TMEM230: variants seen among roughly 807,000 people sequenced by gnomAD.
TMEM230 encodes transmembrane protein 230.
In TMEM230, 10 loss-of-function variants were observed where a neutral mutation model predicts 15.8. That is an observed-to-expected ratio of 0.63 (90% CI 0.39 to 1.07). TMEM230 has a LOEUF of 1.07. Among genes scored for constraint, TMEM230 ranks in the 50% least tolerant of loss-of-function variants. The pLI is 0.01. For synonymous variants in TMEM230, 67 were observed against 76.9 expected, an observed-to-expected ratio of 0.87 and a Z score of 0.68; for missense variants, 165 against 193.3, an observed-to-expected ratio of 0.85 and a Z score of 0.87.
intron 3 of TMEM230, among the ~76,000 whole-genome samples, chr20:5,090,571 C>T (rs1230913226): frequency 6.6e-6 from 1 of 152,074 alleles, no homozygotes; most frequent in Non-Finnish European, 1.5e-5. Flanking sequence ...TTGGGCTTAA[C>T]TAGAGACAGA....
At chr20:5,105,812 G>C (rs2090053230) in intron 4 of TMEM230, among the ~76,000 whole-genome samples, 1 of 151,736 alleles carries the variant, frequency 6.6e-6, no homozygotes, top group South Asian at 2.1e-4. Flanking sequence ...GCTGAGGCAG[G>C]CAGACTGCTT....
chr20:5,078,225 TCTG>T (rs1327817662), intron 3 of TMEM230, among the ~76,000 whole-genome samples: 1 of 152,188 alleles, frequency 6.6e-6, no homozygotes, highest in Non-Finnish European at 1.5e-5. Context: ...GATTTAATGC[TCTG>T]CTGTCACCCT....
chr20:5,062,222 CA>C, the TMEM230 span, among the ~76,000 whole-genome samples: 1 of 140,298 alleles, frequency 7.1e-6, no homozygotes. Context: ...AACTCCGTCT[CA>C]AAAAAAAGAA....
At chr20:5,111,179 G>C (rs1326699509) in intron 2 of TMEM230, 6 of 135,136 alleles carry the variant, frequency 4.4e-5, no homozygotes, top group African/African-American at 1.8e-4. Flanking sequence ...GAGACCCTGA[G>C]TCAAAAAAAA....
At chr20:5,066,261 G>C (rs2088651389), downstream of TMEM230, 1 of 152,222 alleles carries the variant, frequency 6.6e-6, no homozygotes, top group South Asian at 2.1e-4. Context: ...CTTCTTTGGA[G>C]GATGCTGCCT....
rs1163984303 is a variant in TMEM230, at chr20:5,112,955, C to T, written c.68+6G>A. 3.9e-6 allele frequency: 6 copies of T among 1,550,208 alleles called. No homozygotes were observed. Among genetic ancestry groups the T allele is most frequent in the Non-Finnish European group, 5.2e-6 (6 of 1,146,872 alleles). On this transcript the variant is annotated splice_donor_region_variant and intron_variant, in intron 1 of 4. Transcript: ENST00000342308. ...CTGTCCCCGCCCTGCCGCACACACG[C>T]CTTACCGGAGCGCCGCGCCAGGCCG... is the stretch of plus-strand genomic sequence containing the variant.
At chr20:5,105,354 C>G (rs1342178578) in intron 4 of TMEM230, among the ~76,000 whole-genome samples, 1 of 151,880 alleles carries the variant, frequency 6.6e-6, no homozygotes, top group African/African-American at 2.4e-5. Flanking sequence ...ATAGGCCAGG[C>G]ACAGTGGTTC....
At chr20:5,080,495 G>A (rs1444381995) in intron 3 of TMEM230, among the ~76,000 whole-genome samples, 1 of 152,120 alleles carries the variant, frequency 6.6e-6, no homozygotes, top group Non-Finnish European at 1.5e-5. Context: ...TACTGGCTTA[G>A]GGAAGGAATG....
At chr20:5,103,762 A>T in intron 4 of TMEM230, among the ~76,000 whole-genome samples, 1 of 152,166 alleles carries the variant, frequency 6.6e-6, no homozygotes. Context: ...GACCCCTCAA[A>T]TCTCTTGACA....
At chr20:5,099,702 G>T (rs746872644), downstream of TMEM230, 14 of 279,336 alleles carry the variant, frequency 5.0e-5, no homozygotes, top group Non-Finnish European at 6.4e-5. Context: ...TCAGCTGATG[G>T]CATGTCCAGG....
chr20:5,068,863 C>T, exon 4 of TMEM230: 1 of 234,870 alleles, frequency 4.3e-6, no homozygotes, highest in South Asian at 6.8e-5. Flanking sequence ...ATCCCAGTCT[C>T]TTCAGCATCG....
Position 5,094,698 on chromosome 20 carries a change from C to T in TMEM230, c.222+11490G>A, listed in dbSNP as rs536872565. 1.1e-4 allele frequency among the ~76,000 whole-genome samples: 13 copies of T among 113,328 alleles called. No homozygotes were observed. The South Asian group carries it at 4.1e-3, about 36-fold the overall frequency. 74.3% of individuals were successfully genotyped at this position (113,328 alleles called of 152,430 possible). ...CTCCAGCCTGGGACAGAGCTAGACT[C>T]CATCTCAAAAAAAAAAAAAAAAAAA... On this transcript the variant is annotated intron_variant, in intron 3 of 3. Coordinates refer to the TMEM230 transcript ENST00000612323.
intron 3 of TMEM230, among the ~76,000 whole-genome samples, chr20:5,108,109 T>A (rs2090165461): frequency 6.7e-6 from 1 of 148,744 alleles, no homozygotes; most frequent in Admixed American, 6.7e-5. Flanking sequence ...CAAGACTACA[T>A]CTTAAAAACA....
chr20:5,076,009 TG>T (rs2088982025), intron 3 of TMEM230, among the ~76,000 whole-genome samples: 1 of 151,694 alleles, frequency 6.6e-6, no homozygotes, highest in African/African-American at 2.4e-5. Flanking sequence ...CTTGTGGGGC[TG>T]AGGTGGGAGG....
chr20:5,097,306 A>C (rs1431881586), downstream of TMEM230, among the ~76,000 whole-genome samples: 1 of 152,212 alleles, frequency 6.6e-6, no homozygotes. Context: ...GACCCACCAG[A>C]GTGGCAACGG....
chr20:5,079,772 T>G (rs979768033), intron 3 of TMEM230, among the ~76,000 whole-genome samples: 3 of 152,050 alleles, frequency 2.0e-5, no homozygotes, highest in Non-Finnish European at 1.5e-5. Flanking sequence ...CTTTCTTTTT[T>G]GAGACAGGGT....
chr20:5,113,005 G>A lies in TMEM230; in HGVS notation c.24C>T (p.Thr8=). 6.5e-7 allele frequency: 1 copy of A among 1,550,094 alleles called. No homozygotes were observed. The highest frequency in any genetic ancestry group is 8.7e-7 in the Non-Finnish European group (1 of 1,147,418). The change falls in exon 1 of 5, where the codon ACC becomes ACT. Residue 8 remains threonine, a synonymous_variant. Transcript: ENST00000342308. ...GCCCGCACACCCAGAGCTCGCCCAC[G>A]GTTGGCAGCGCCCAAGGTTGCATGG...
At chr20:5,071,989 G>A (rs2088843463) in intron 3 of TMEM230, among the ~76,000 whole-genome samples, 1 of 152,094 alleles carries the variant, frequency 6.6e-6, no homozygotes. Context: ...GGCCTCAAGT[G>A]ATCCACCTGC....
chr20:5,069,255 C>A lies in TMEM230; in HGVS notation c.317G>T (p.Ser106Ile). The A allele has an allele frequency of 4.6e-6, 7 of 1,536,026 alleles. No homozygotes were observed. In the South Asian group the frequency reaches 5.9e-5, roughly 13 times the overall value. ...CCTTGAGCTGAGTCCTCCTTCGGGACTCCTCCCACTGATGCCTCCCATCAT... is the reference window on the plus strand; with the variant it reads ...CCTTGAGCTGAGTCCTCCTTCGGGAATCCTCCCACTGATGCCTCCCATCAT... The change falls in exon 4 of 4, where the codon AGT becomes ATT. Residue 106 changes from serine (S) to isoleucine (I), a missense_variant. Ser to Ile is a moderately radical substitution (Grantham distance 142, BLOSUM62 -2). Coordinates refer to the TMEM230 transcript ENST00000612323.
Sources: gnomAD v4.1 joint callset for allele counts (sites outside exome capture counted in the v4.1 genomes callset) on GRCh38, gnomAD v4.1.1 for gene constraint, MANE v1.5 for transcripts, NCBI Gene and HGNC (gene_info 2026-07-23, HGNC 2026-07-21) for gene names.